Variants in B3GALT5 observed in about 807,000 individuals in gnomAD.
B3GALT5 encodes beta-1,3-galactosyltransferase 5, also known as UDP-Gal:betaGlcNAc beta 1,3-galactosyltransferase, polypeptide 5.
For missense variants in B3GALT5, 328 were observed against 396.6 expected (o/e 0.83, Z 1.47); for synonymous variants, 156 against 158.6 (o/e 0.98, Z 0.12).
rs368352458 is a variant in B3GALT5, at chr21:39,629,941, T to TA, written c.-391-16447dup. ...GTTTAAAATGAAAATGTTTAGTATT[T>TA]AAAAGTGGTGCTTATAAGTCACTTA... On this transcript the variant is annotated intron_variant, in intron 1 of 3. Transcript: ENST00000684187. 3.8e-3 allele frequency among the ~76,000 whole-genome samples: 572 copies of TA among 152,376 alleles called. 2 individuals carry two copies. Among genetic ancestry groups the TA allele is most frequent in the African/African-American group, 0.013 (545 of 41,588 alleles).
At position 39,660,612 on chromosome 21, in the gene B3GALT5, C is replaced by A; in HGVS notation, c.53C>A (p.Ala18Asp). The A allele has an allele frequency of 1.4e-6, 2 of 1,451,822 alleles. No homozygotes were observed. The highest frequency in any genetic ancestry group is 9.1e-7 in the Non-Finnish European group (1 of 1,100,380). 89.9% of individuals were successfully genotyped at this position (1,451,822 alleles called of 1,614,324 possible). ...TATATTTGCCTTCTGGTTCTGGGGG[C>A]TCTTTGTTTGTATTTTAGCATGTAC... ...LMYICLLVLGALCLYFSMYSL... is the reference protein window; with the variant it reads ...LMYICLLVLGDLCLYFSMYSL... Residue 18 changes from alanine (A) to aspartate (D), a missense_variant, in exon 4 of 4, where the codon GCT (alanine) becomes GAT (aspartate). By Grantham distance (126) the Ala-to-Asp change is moderately radical. Coordinates refer to ENST00000684187, the MANE Select transcript of B3GALT5 (RefSeq NM_001356336.2).
chr21:39,661,285 A>G lies in B3GALT5; in HGVS notation c.726A>G (p.Glu242=), dbSNP rs2079519542. ...VSKSVPYIKL[E]DVFVGLCLER... ...AGAGCGTCCCATACATTAAACTGGA[A>G]GACGTGTTTGTGGGGCTCTGCCTCG... Residue 242 remains glutamate (E), a synonymous_variant, in exon 4 of 4, where the codon GAA becomes GAG. Transcript: ENST00000684187. The surrounding 1 kb of genome is among the most constrained non-coding windows in gnomAD (Gnocchi z 4.7). 6.2e-7 allele frequency: 1 copy of G among 1,614,178 alleles called. No individual in the cohort carries two copies. Among genetic ancestry groups the G allele is most frequent in the Non-Finnish European group, 8.5e-7 (1 of 1,180,046 alleles).
chr21:39,639,420 C>T (rs2079267795), intron 1 of B3GALT5, among the ~76,000 whole-genome samples: 1 of 110,996 alleles, frequency 9.0e-6, no homozygotes, highest in Non-Finnish European at 1.9e-5. Context: ...TTCTTTCTTT[C>T]TTTCTTTCTT....
chr21:39,613,976 T>G (rs751289673), intron 1 of B3GALT5, among the ~76,000 whole-genome samples: 2 of 152,210 alleles, frequency 1.3e-5, no homozygotes, highest in Non-Finnish European at 2.9e-5. Flanking sequence ...TATTTTTGTC[T>G]TTTTCAAAGA....
At chr21:39,660,180 G>A (rs1367971706) in intron 3 of B3GALT5, among the ~76,000 whole-genome samples, 4 of 152,186 alleles carry the variant, frequency 2.6e-5, no homozygotes, top group South Asian at 2.1e-4. Flanking sequence ...TCTACAATGC[G>A]TGGTTTCCAG....
At chr21:39,652,606 T>A (rs557833480) in intron 2 of B3GALT5, among the ~76,000 whole-genome samples, 35 of 152,248 alleles carry the variant, frequency 2.3e-4, no homozygotes, top group Non-Finnish European at 3.7e-4. Context: ...AGGGGACTCC[T>A]GTATCTGCTC....
chr21:39,638,347 G>A (rs1027995057), intron 1 of B3GALT5, among the ~76,000 whole-genome samples: 1 of 152,168 alleles, frequency 6.6e-6, no homozygotes, highest in African/African-American at 2.4e-5. Flanking sequence ...ACACATGGGC[G>A]GCTGGACGTC....
At chr21:39,615,950 T>A (rs1049300200) in intron 1 of B3GALT5, among the ~76,000 whole-genome samples, 3 of 152,232 alleles carry the variant, frequency 2.0e-5, no homozygotes, top group African/African-American at 7.2e-5. Flanking sequence ...TATTGAATTT[T>A]AAAAAATAAC....
intron 2 of B3GALT5, among the ~76,000 whole-genome samples, chr21:39,654,117 G>A (rs2079419975): frequency 1.3e-5 from 2 of 152,212 alleles, no homozygotes; most frequent in African/African-American, 2.4e-5. Context: ...TAGCACATAC[G>A]TTTATCTGTA....
At position 39,672,708 on chromosome 21, in the gene B3GALT5, T is replaced by C. The variant is rs1246736251; in HGVS notation, c.*11216T>C. On this transcript the variant is annotated 3_prime_UTR_variant, in exon 4 of 4. Coordinates refer to ENST00000684187, the MANE Select transcript of B3GALT5 (RefSeq NM_001356336.2). ...TCCTTTTGTTTTTACATTGATGTTT[T>C]CTATATTTATTTTGTACCTGGAAAA... The C allele has an allele frequency of 6.6e-6, 1 of 152,268 alleles. No homozygotes were observed. Among genetic ancestry groups the C allele is most frequent in the African/African-American group, 2.4e-5 (1 of 41,466 alleles). The allele number at this position is 152,268 out of a possible 1,614,324, so 9.4% of individuals were successfully genotyped here.
At chr21:39,649,144 A>G (rs980432759) in intron 2 of B3GALT5, among the ~76,000 whole-genome samples, 1 of 152,106 alleles carries the variant, frequency 6.6e-6, no homozygotes, top group African/African-American at 2.4e-5. Context: ...CAGTCACTTG[A>G]TTGATTGGAG....
At chr21:39,639,335 T>C (rs1196108163) in intron 1 of B3GALT5, among the ~76,000 whole-genome samples, 26 of 118,270 alleles carry the variant, frequency 2.2e-4, no homozygotes, top group Non-Finnish European at 3.7e-4. Flanking sequence ...TCTTTCTTTC[T>C]TTCTTTCTTT....
chr21:39,647,944 G>T (rs898525340), intron 2 of B3GALT5, among the ~76,000 whole-genome samples: 2 of 152,172 alleles, frequency 1.3e-5, no homozygotes, highest in Non-Finnish European at 2.9e-5. Context: ...TTCTAATGTG[G>T]TTGGTTGCAC....
Position 39,661,393 on chromosome 21 carries a change from C to A in B3GALT5, c.834C>A (p.Phe278Leu). The A allele has an allele frequency of 6.3e-7, 1 of 1,580,554 alleles. No homozygotes were observed. Among genetic ancestry groups the A allele is most frequent in the Non-Finnish European group, 8.6e-7 (1 of 1,163,860 alleles). Residue 278 changes from phenylalanine to leucine, a missense_variant, in exon 4 of 4, where the codon TTC becomes TTA. Physicochemically the swap from Phe to Leu is conservative, Grantham distance 22. Transcript: ENST00000684187. This position sits in a 1 kb window ranked among gnomAD's most constrained non-coding sequence, Gnocchi z 4.7. ...PGGLRFSVCL[F>L]RRIVACHFIK... ...GCTTACGCTTCTCCGTATGCCTCTT[C>A]AGGAGGATCGTGGCCTGCCACTTCA...
intron 1 of B3GALT5, among the ~76,000 whole-genome samples, chr21:39,636,444 C>T (rs1267100631): frequency 1.3e-5 from 2 of 152,082 alleles, no homozygotes; most frequent in Admixed American, 1.3e-4. Context: ...GAAACCCCGA[C>T]GCCTTTCCTT....
intron 1 of B3GALT5, among the ~76,000 whole-genome samples, chr21:39,638,439 G>C (rs2079245170): frequency 1.3e-5 from 2 of 152,308 alleles, no homozygotes; most frequent in African/African-American, 4.8e-5. Flanking sequence ...AGGCGGGCTA[G>C]GGCAGTCGGG....
At chr21:39,627,590 G>C (rs1019285108) in intron 1 of B3GALT5, among the ~76,000 whole-genome samples, 1 of 150,488 alleles carries the variant, frequency 6.6e-6, no homozygotes, top group African/African-American at 2.5e-5. Context: ...TCTAAATTCT[G>C]TTCTTTGCTA....
At position 39,658,318 on chromosome 21, in the gene B3GALT5, G is replaced by C. The variant is rs369952974; in HGVS notation, c.-160-1435G>C. ...ACAGTTTGGCCAATGCACTGCATGAGGTGAGCGCCCATCCCTGGGAATTTA... is the reference window on the plus strand; with the variant it reads ...ACAGTTTGGCCAATGCACTGCATGACGTGAGCGCCCATCCCTGGGAATTTA... On this transcript the variant is annotated intron_variant, in intron 2 of 3. Transcript: ENST00000684187. 7.9e-5 allele frequency among the ~76,000 whole-genome samples: 12 copies of C among 152,264 alleles called. No homozygotes were observed. In the East Asian group the frequency reaches 2.3e-3, roughly 29 times the overall value.
chr21:39,659,393 T>C (rs1014439290), intron 2 of B3GALT5, among the ~76,000 whole-genome samples: 1 of 152,248 alleles, frequency 6.6e-6, no homozygotes, highest in African/African-American at 2.4e-5. Flanking sequence ...TTCTCTGTGT[T>C]AAATTCTCTC....
Sources: allele counts gnomAD v4.1 joint callset (sites outside exome capture counted in the v4.1 genomes callset), GRCh38; gene constraint gnomAD v4.1.1; non-coding constraint Gnocchi (gnomAD v3.1); transcripts MANE v1.5; gene names NCBI Gene and HGNC (gene_info 2026-07-23, HGNC 2026-07-21).